COL25A1: variants seen among roughly 807,000 people sequenced by gnomAD.
COL25A1 encodes collagen type XXV alpha 1 chain.
A neutral mutation model predicts 128.4 loss-of-function variants in COL25A1; 103 were observed. That is an observed-to-expected ratio of 0.80 (90% CI 0.68 to 0.94). The LOEUF (loss-of-function observed/expected upper bound fraction) is 0.94, where lower values mean the gene tolerates loss of function less well. COL25A1 is among the 40% of genes least tolerant of loss of function. COL25A1 has a pLI of 0.00. For missense variants in COL25A1, 745 were observed against 840.0 expected, an observed-to-expected ratio of 0.89 and a Z score of 1.40; for synonymous variants, 279 against 277.2, an observed-to-expected ratio of 1.01 and a Z score of -0.06.
intron 3 of COL25A1, among the ~76,000 whole-genome samples, chr4:109,085,881 T>C (rs1044602909): frequency 5.3e-5 from 8 of 152,220 alleles, no homozygotes; most frequent in Admixed American, 2.6e-4. Flanking sequence ...TCTTTTACCC[T>C]GAAAATAACA....
At chr4:109,027,590 A>G (rs1406404256) in intron 5 of COL25A1, among the ~76,000 whole-genome samples, 1 of 152,150 alleles carries the variant, frequency 6.6e-6, no homozygotes, top group Admixed American at 6.5e-5. Context: ...GGCAGTAGAA[A>G]GGCAGGGGTG....
In COL25A1 at chr4:109,150,091, A is replaced by ATG. The variant is rs141897068; in HGVS notation, c.368-99914_368-99913dup. Among the ~76,000 whole-genome samples, 5 of 150,540 alleles carry ATG rather than the reference A, an allele frequency of 3.3e-5. No homozygotes were observed. The East Asian group carries it at 7.8e-4, about 23-fold the overall frequency. ...TGTGTATGTGTGTTTGTATGTCTGT[A>ATG]TGTGTGTGTGTGTGAACATGTGATA... is the stretch of plus-strand genomic sequence containing the variant. On this transcript the variant is annotated intron_variant, in intron 3 of 37. Transcript: ENST00000399132.
chr4:109,220,563 T>C (rs1778339741), intron 3 of COL25A1, among the ~76,000 whole-genome samples: 1 of 152,200 alleles, frequency 6.6e-6, no homozygotes, highest in Non-Finnish European at 1.5e-5. Flanking sequence ...TAATGATATG[T>C]TTAATATTGT....
At chr4:109,098,427 C>T (rs1258761404) in intron 3 of COL25A1, among the ~76,000 whole-genome samples, 2 of 152,162 alleles carry the variant, frequency 1.3e-5, no homozygotes, top group African/African-American at 4.8e-5. Flanking sequence ...CAAGGAGACC[C>T]ATAATCCATG....
chr4:109,030,674 C>T (rs1314085288), intron 5 of COL25A1, among the ~76,000 whole-genome samples: 1 of 152,206 alleles, frequency 6.6e-6, no homozygotes, highest in Non-Finnish European at 1.5e-5. Context: ...CTCATATCAA[C>T]ATGGACATAT....
At chr4:109,038,300 A>G (rs138227135) in intron 5 of COL25A1, among the ~76,000 whole-genome samples, 3 of 152,342 alleles carry the variant, frequency 2.0e-5, no homozygotes, top group Non-Finnish European at 4.4e-5. Flanking sequence ...TGAAGGCCTT[A>G]AGAACAAAAA....
At chr4:108,889,085 C>G (rs1741152232) in intron 18 of COL25A1, 136 bp downstream of exon 18, 5 of 820,280 alleles carry the variant, frequency 6.1e-6, no homozygotes, top group Middle Eastern at 4.8e-4. Flanking sequence ...AAATGCAAAA[C>G]AACAATAACA....
intron 11 of COL25A1, among the ~76,000 whole-genome samples, chr4:108,934,631 A>G (rs942181184): frequency 6.6e-6 from 1 of 152,194 alleles, no homozygotes; most frequent in Non-Finnish European, 1.5e-5. Flanking sequence ...TTTTAAAAAG[A>G]TAGATTTTTA....
At chr4:109,158,607 C>T (rs1321099509) in intron 3 of COL25A1, among the ~76,000 whole-genome samples, 1 of 152,140 alleles carries the variant, frequency 6.6e-6, no homozygotes, top group African/African-American at 2.4e-5. Flanking sequence ...GCCCTCAAGA[C>T]TATCCATAAA....
chr4:109,295,754 G>A (rs1232792910), intron 3 of COL25A1, among the ~76,000 whole-genome samples: 1 of 152,134 alleles, frequency 6.6e-6, no homozygotes, highest in Non-Finnish European at 1.5e-5. Flanking sequence ...GAGAACATAG[G>A]CAACGAGGTC....
intron 13 of COL25A1, among the ~76,000 whole-genome samples, chr4:108,911,125 T>C (rs189958334): frequency 6.6e-6 from 1 of 152,330 alleles, no homozygotes; most frequent in Admixed American, 6.5e-5. Flanking sequence ...GTGTGGTTTA[T>C]ATTGATTTAA....
At chr4:109,067,255 A>G (rs1762524468) in intron 3 of COL25A1, among the ~76,000 whole-genome samples, 1 of 152,208 alleles carries the variant, frequency 6.6e-6, no homozygotes, top group Non-Finnish European at 1.5e-5. Flanking sequence ...AAAAATATCA[A>G]CATTAAGAAA....
chr4:109,233,663 A>G (rs759421407), intron 3 of COL25A1, among the ~76,000 whole-genome samples: 1 of 152,122 alleles, frequency 6.6e-6, no homozygotes, highest in Admixed American at 6.6e-5. Context: ...AGGTAAGATT[A>G]TAATAATACT....
At chr4:109,094,742 T>C (rs1429005134) in intron 3 of COL25A1, among the ~76,000 whole-genome samples, 1 of 152,204 alleles carries the variant, frequency 6.6e-6, no homozygotes, top group Non-Finnish European at 1.5e-5. Context: ...TTTCAGACAA[T>C]CAGTGGAAAT....
At chr4:109,180,863 T>A (rs937368178) in intron 3 of COL25A1, among the ~76,000 whole-genome samples, 7 of 152,186 alleles carry the variant, frequency 4.6e-5, no homozygotes, top group African/African-American at 1.7e-4. Flanking sequence ...TTATTTAGTA[T>A]TTATAAAACA....
chr4:108,812,634 T>A lies in COL25A1; in HGVS notation c.*1293A>T, dbSNP rs577248221. On this transcript the variant is annotated 3_prime_UTR_variant, in exon 38 of 38. Transcript: ENST00000399132. ...AAACATATGTGACAAAAACTGAAACTAATATTTTTTCAATATTCTTGGGAC... is the reference window on the plus strand; with the variant it reads ...AAACATATGTGACAAAAACTGAAACAAATATTTTTTCAATATTCTTGGGAC... The A allele has an allele frequency of 6.6e-6, 1 of 152,274 alleles. No homozygotes were observed. Among genetic ancestry groups the A allele is most frequent in the East Asian group, 1.9e-4 (1 of 5,184 alleles). 9.4% of individuals were successfully genotyped at this position (152,274 alleles called of 1,614,324 possible). A position where few individuals can be genotyped will look rare whatever the true frequency, so the allele number is the denominator to read the frequency against.
At chr4:109,069,776 G>A (rs992520326) in intron 3 of COL25A1, among the ~76,000 whole-genome samples, 3 of 152,102 alleles carry the variant, frequency 2.0e-5, no homozygotes, top group Non-Finnish European at 4.4e-5. Context: ...AGAAAATCAT[G>A]AGAACTGGAA....
chr4:108,971,316 G>A (rs1047868353), intron 8 of COL25A1, among the ~76,000 whole-genome samples: 10 of 152,076 alleles, frequency 6.6e-5, no homozygotes, highest in African/African-American at 2.4e-4. Flanking sequence ...ATGTGAAGGG[G>A]TATGAACAAG....
chr4:108,974,852 C>T (rs1752273572), intron 6 of COL25A1, among the ~76,000 whole-genome samples: 1 of 152,148 alleles, frequency 6.6e-6, no homozygotes, highest in Non-Finnish European at 1.5e-5. Flanking sequence ...AGAAATAGAA[C>T]ATTACCTGCA....
Sources: gnomAD v4.1 joint callset for allele counts (sites outside exome capture counted in the v4.1 genomes callset) on GRCh38, gnomAD v4.1.1 for gene constraint, MANE v1.5 for transcripts, NCBI Gene and HGNC (gene_info 2026-07-23, HGNC 2026-07-21) for gene names.